PTCHD4: variants seen among roughly 807,000 people sequenced by gnomAD.
The protein encoded by PTCHD4 is patched domain-containing protein 4.
In PTCHD4, 33 loss-of-function variants were observed where a neutral mutation model predicts 58.1. The observed-to-expected ratio is 0.57, with a 90% CI of 0.43 to 0.76. The LOEUF (loss-of-function observed/expected upper bound fraction) is 0.76, where lower values mean the gene tolerates loss of function less well. Ranked by LOEUF, PTCHD4 falls within the 30% of genes least tolerant of loss-of-function variation. PTCHD4 has a pLI of 0.00. For missense variants in PTCHD4, 1,058 were observed against 1,027.1 expected, an observed-to-expected ratio of 1.03 and a Z score of -0.41; for synonymous variants, 478 against 409.6, an observed-to-expected ratio of 1.17 and a Z score of -2.02.
chr6:47,930,167 G>A (rs190114389), intron 4 of PTCHD4, among the ~76,000 whole-genome samples: 3 of 152,274 alleles, frequency 2.0e-5, no homozygotes, highest in African/African-American at 7.2e-5. Flanking sequence ...GGAGTGGGAG[G>A]AGAAGCAGCA....
intron 4 of PTCHD4, among the ~76,000 whole-genome samples, chr6:47,980,392 GTGT>G (rs1275788966): frequency 1.3e-5 from 2 of 151,920 alleles, no homozygotes; most frequent in Admixed American, 1.3e-4. Flanking sequence ...TTCTTTCTCT[GTGT>G]TGTTAATCTA....
intron 3 of PTCHD4, among the ~76,000 whole-genome samples, chr6:48,058,879 C>G (rs1764512047): frequency 1.3e-5 from 2 of 152,180 alleles, no homozygotes; most frequent in South Asian, 4.1e-4. Flanking sequence ...CTATGTCCAT[C>G]TTATTACACT....
At chr6:47,980,951 T>C (rs1251977999) in intron 4 of PTCHD4, among the ~76,000 whole-genome samples, 2 of 152,128 alleles carry the variant, frequency 1.3e-5, no homozygotes, top group African/African-American at 4.8e-5. Context: ...CTTTATCATG[T>C]TTACTCCATT....
Position 48,068,767 on chromosome 6 carries a change from C to T in PTCHD4, c.6-126G>A, listed in dbSNP as rs913270920. On this transcript the variant is annotated intron_variant, in intron 2 of 4. Transcript: ENST00000339488. This position sits in a 1 kb window ranked among gnomAD's most constrained non-coding sequence, Gnocchi z 4.2. Reference sequence around the variant, plus strand: ...CACCCACTCCGCGCTCACCCCACAACCACTCCGCCTGGTCTTTCCCCGGCC... The same window carrying T: ...CACCCACTCCGCGCTCACCCCACAATCACTCCGCCTGGTCTTTCCCCGGCC... The T allele has an allele frequency of 2.4e-6, 2 of 836,460 alleles. No homozygotes were observed. Among genetic ancestry groups the T allele is most frequent in the African/African-American group, 3.5e-5 (2 of 57,050 alleles). 51.8% of individuals were successfully genotyped at this position (836,460 alleles called of 1,614,324 possible).
At chr6:48,057,543 C>T (rs1328350478) in intron 3 of PTCHD4, among the ~76,000 whole-genome samples, 2 of 152,176 alleles carry the variant, frequency 1.3e-5, no homozygotes, top group African/African-American at 4.8e-5. Context: ...CTCTAAAGTA[C>T]ATGAAAATGC....
At chr6:47,945,477 A>G (rs1247309770) in intron 4 of PTCHD4, among the ~76,000 whole-genome samples, 1 of 151,996 alleles carries the variant, frequency 6.6e-6, no homozygotes, top group Admixed American at 6.6e-5. Context: ...TAAGCAAATC[A>G]TTTTGTTTTT....
chr6:47,941,877 A>G (rs1205613281), intron 4 of PTCHD4, among the ~76,000 whole-genome samples: 1 of 152,198 alleles, frequency 6.6e-6, no homozygotes, highest in African/African-American at 2.4e-5. Flanking sequence ...TATTTCCTTA[A>G]AAGTGGTCTC....
chr6:47,988,858 A>G (rs1364585572), intron 4 of PTCHD4, among the ~76,000 whole-genome samples: 1 of 152,204 alleles, frequency 6.6e-6, no homozygotes, highest in East Asian at 1.9e-4. Context: ...TGGTACCAGT[A>G]GAGTGGGGCA....
intron 4 of PTCHD4, among the ~76,000 whole-genome samples, chr6:47,970,762 T>C (rs969238076): frequency 2.0e-5 from 3 of 152,188 alleles, no homozygotes; most frequent in Non-Finnish European, 4.4e-5. Context: ...GAGTTTTCTC[T>C]AGACAAATGG....
intron 4 of PTCHD4, among the ~76,000 whole-genome samples, chr6:47,953,793 T>C (rs370581436): frequency 1.2e-4 from 19 of 152,318 alleles, no homozygotes; most frequent in East Asian, 1.2e-3. Flanking sequence ...ACACTATCTG[T>C]TCTAAGATGG....
At chr6:48,060,444 C>T (rs1021974076) in intron 3 of PTCHD4, among the ~76,000 whole-genome samples, 2 of 152,172 alleles carry the variant, frequency 1.3e-5, no homozygotes, top group Non-Finnish European at 2.9e-5. Flanking sequence ...TTTTAGCTTT[C>T]TAGAACCCAG....
At chr6:47,919,566 C>T (rs756229798) in intron 4 of PTCHD4, among the ~76,000 whole-genome samples, 9 of 152,006 alleles carry the variant, frequency 5.9e-5, no homozygotes, top group Non-Finnish European at 1.0e-4. Flanking sequence ...TGGTTTTTAC[C>T]AAAGCCCCAG....
intron 1 of PTCHD4, among the ~76,000 whole-genome samples, chr6:48,081,324 C>T (rs1157030606): frequency 6.6e-6 from 1 of 152,162 alleles, no homozygotes; most frequent in East Asian, 1.9e-4. Flanking sequence ...GACATTTCTG[C>T]TCTGTTTTAG....
chr6:48,089,598 G>A (rs773739763), intron 1 of PTCHD4, among the ~76,000 whole-genome samples: 5 of 152,078 alleles, frequency 3.3e-5, no homozygotes, highest in African/African-American at 1.2e-4. Context: ...TTATTGACCC[G>A]TTATTGAATT....
In PTCHD4 at chr6:47,879,013, C is replaced by T. The variant is rs374197450; in HGVS notation, c.1822G>A (p.Val608Met). 43 of 1,613,278 alleles carry T rather than the reference C, an allele frequency of 2.7e-5. No homozygotes were observed. Among genetic ancestry groups the T allele is most frequent in the Non-Finnish European group, 3.6e-5 (43 of 1,179,728 alleles). ...SNIIASRLYL[V>M]ARTSRDKQKE... ...TGCTTGTCTCTGCTAGTCCTGGCCA[C>T]CAGATACAAGCGAGAAGCAATGATA... The change falls in exon 5 of 5, where the codon GTG (valine) becomes ATG (methionine). Residue 608 changes from valine to methionine, a missense_variant. Coordinates refer to ENST00000339488, the MANE Select transcript of PTCHD4 (RefSeq NM_001384253.1).
At chr6:48,043,419 G>A (rs1012180161) in intron 3 of PTCHD4, among the ~76,000 whole-genome samples, 1 of 151,760 alleles carries the variant, frequency 6.6e-6, no homozygotes, top group African/African-American at 2.4e-5. Context: ...TATGCTGAAA[G>A]GCAGCGTTTT....
At chr6:47,964,292 G>T (rs1196171856) in intron 4 of PTCHD4, among the ~76,000 whole-genome samples, 1 of 152,048 alleles carries the variant, frequency 6.6e-6, no homozygotes, top group Admixed American at 6.6e-5. Context: ...TTTGTTAGGA[G>T]GATACAGCTC....
At chr6:48,039,225 C>A (rs1763755985) in intron 3 of PTCHD4, among the ~76,000 whole-genome samples, 1 of 151,962 alleles carries the variant, frequency 6.6e-6, no homozygotes, top group Non-Finnish European at 1.5e-5. Flanking sequence ...GGAAAGGAAC[C>A]AATAAGGCTA....
At chr6:47,947,863 G>T (rs191932813) in intron 4 of PTCHD4, among the ~76,000 whole-genome samples, 2 of 151,910 alleles carry the variant, frequency 1.3e-5, no homozygotes. Flanking sequence ...TTATGTTTCC[G>T]CCATTGTTTC....
Sources: gnomAD v4.1 joint callset for allele counts (sites outside exome capture counted in the v4.1 genomes callset) on GRCh38, gnomAD v4.1.1 for gene constraint, Gnocchi (gnomAD v3.1) non-coding constraint, MANE v1.5 for transcripts, NCBI Gene and HGNC (gene_info 2026-07-23, HGNC 2026-07-21) for gene names.